LLGL2: variants seen among roughly 807,000 people sequenced by gnomAD.
The protein encoded by LLGL2 is LLGL scribble cell polarity complex component 2, also known as LLGL2, scribble cell polarity complex component.
LLGL2 carries 81 observed loss-of-function variants against 123.2 expected under a neutral mutation model. The ratio of observed to expected loss-of-function variants is 0.66; its 90% CI spans 0.55 to 0.79. The LOEUF (loss-of-function observed/expected upper bound fraction) is 0.79, where lower values mean the gene tolerates loss of function less well. Among genes scored for constraint, LLGL2 ranks in the 30% least tolerant of loss-of-function variants. The probability of loss-of-function intolerance (pLI) is 0.00; values close to 1 mark genes in which losing one functional copy is unlikely to be tolerated. For missense variants in LLGL2, 1,273 were observed against 1,414.6 expected, an observed-to-expected ratio of 0.90 and a Z score of 1.61; for synonymous variants, 577 against 594.1, an observed-to-expected ratio of 0.97 and a Z score of 0.42.
Position 75,563,025 on chromosome 17 carries a change from G to A in LLGL2, c.540G>A (p.Glu180=). 6.8e-6 allele frequency: 11 copies of A among 1,612,192 alleles called. No homozygotes were observed. The highest frequency in any genetic ancestry group is 9.3e-6 in the Non-Finnish European group (11 of 1,180,000). ...CACTCCCCTCGCCCAGGTTGCCAGAGGAGGCCCGCCACCGGCGTGTGTTCG... is the reference window on the plus strand; with the variant it reads ...CACTCCCCTCGCCCAGGTTGCCAGAAGAGGCCCGCCACCGGCGTGTGTTCG... ...SSDAVLQRLP[E]EARHRRVFEM... The change falls in exon 7 of 26, where the codon GAG becomes GAA. Residue 180 remains glutamate, a synonymous_variant. Transcript: ENST00000392550.
At chr17:75,537,399 T>C (rs549634893) in intron 1 of LLGL2, among the ~76,000 whole-genome samples, 1 of 152,208 alleles carries the variant, frequency 6.6e-6, no homozygotes, top group African/African-American at 2.4e-5. Context: ...CCCCTTAGGA[T>C]AAAATGATCC....
chr17:75,555,611 T>G (rs1192598147), intron 2 of LLGL2, among the ~76,000 whole-genome samples: 1 of 152,068 alleles, frequency 6.6e-6, no homozygotes, highest in East Asian at 1.9e-4. Flanking sequence ...TCTAGGCCCC[T>G]GGGTGAGCCC....
At chr17:75,565,410 C>T (rs2055402503) in intron 10 of LLGL2, among the ~76,000 whole-genome samples, 1 of 152,246 alleles carries the variant, frequency 6.6e-6, no homozygotes, top group Non-Finnish European at 1.5e-5. Flanking sequence ...TGTGTACTCA[C>T]GGCCTCTATC....
chr17:75,542,046 G>A (rs1263623679), intron 1 of LLGL2, among the ~76,000 whole-genome samples: 1 of 151,736 alleles, frequency 6.6e-6, no homozygotes, highest in African/African-American at 2.4e-5. Flanking sequence ...GTAAAATCGG[G>A]TCACCCTCCC....
chr17:75,560,386 C>T (rs2055146169), intron 6 of LLGL2, among the ~76,000 whole-genome samples: 1 of 152,234 alleles, frequency 6.6e-6, no homozygotes, highest in East Asian at 1.9e-4. Context: ...ACACCAGTGC[C>T]CAGCCTCACC....
chr17:75,543,545 C>G (rs752925091), intron 2 of LLGL2, 44 bp downstream of exon 2: 2 of 1,554,216 alleles, frequency 1.3e-6, no homozygotes, highest in South Asian at 2.3e-5. Context: ...GGTTTTCGGC[C>G]AAGCAGCTCA....
intron 2 of LLGL2, among the ~76,000 whole-genome samples, chr17:75,552,912 C>A: frequency 6.6e-6 from 1 of 152,190 alleles, no homozygotes; most frequent in Admixed American, 6.5e-5. Context: ...CCATTGGGCT[C>A]CTGTAGGGCA....
intron 6 of LLGL2, among the ~76,000 whole-genome samples, chr17:75,560,802 TA>T (rs372940306): frequency 2.6e-3 from 248 of 96,060 alleles, no homozygotes; most frequent in East Asian, 0.012. Context: ...GTTTATTTAT[TA>T]AAAAAAAAAA....
At chr17:75,571,197 TA>T in intron 17 of LLGL2, 97 bp downstream of exon 17, 1 of 1,215,880 alleles carries the variant, frequency 8.2e-7, no homozygotes, top group Non-Finnish European at 1.2e-6. Context: ...GCCTGGCTGG[TA>T]GGAGCTAAGA....
intron 2 of LLGL2, among the ~76,000 whole-genome samples, chr17:75,545,388 C>T (rs1282148042): frequency 6.6e-6 from 1 of 152,190 alleles, no homozygotes; most frequent in African/African-American, 2.4e-5. Context: ...TAGGCCTCTG[C>T]CCTCCACTTT....
chr17:75,525,679 C>T (rs1200627622), upstream of LLGL2: 1 of 150,438 alleles, frequency 6.6e-6, no homozygotes, highest in Non-Finnish European at 1.5e-5. The surrounding 1 kb of genome is among the most constrained non-coding windows in gnomAD (Gnocchi z 4.8). Context: ...AATAGCGCGG[C>T]TCCGCCCCAG....
chr17:75,540,701 A>G (rs891085392), intron 1 of LLGL2, among the ~76,000 whole-genome samples: 1 of 152,204 alleles, frequency 6.6e-6, no homozygotes, highest in Non-Finnish European at 1.5e-5. Flanking sequence ...CTTGGGGTCC[A>G]GTCCGAGTTC....
chr17:75,542,815 T>C, intron 1 of LLGL2: 1 of 152,376 alleles, frequency 6.6e-6, no homozygotes. Context: ...CGTGCCCACT[T>C]GAGTTTCTCA....
At chr17:75,562,862 G>A (rs2055280996) in intron 6 of LLGL2, 154 bp from the exon 7 acceptor site, 8 of 931,178 alleles carry the variant, frequency 8.6e-6, no homozygotes, top group South Asian at 4.9e-5. Flanking sequence ...GAGCCACCAC[G>A]CTCGGCCATC....
chr17:75,574,352 G>A (rs1210569123), intron 23 of LLGL2, 92 bp downstream of exon 23: 12 of 1,530,306 alleles, frequency 7.8e-6, no homozygotes, highest in Middle Eastern at 2.3e-4. Flanking sequence ...GCCCTGAGGC[G>A]GGGTACAGAT....
Position 75,559,508 on chromosome 17 carries a change from T to C in LLGL2, c.530+98T>C. 1 of 1,435,464 alleles carries C rather than the reference T, an allele frequency of 7.0e-7. No individual in the cohort carries two copies. Among genetic ancestry groups the C allele is most frequent in the African/African-American group, 1.4e-5 (1 of 70,310 alleles). 88.9% of individuals were successfully genotyped at this position (1,435,464 alleles called of 1,614,324 possible). A position where few individuals can be genotyped will look rare whatever the true frequency, so the allele number is the denominator to read the frequency against. On this transcript the variant is annotated intron_variant, in intron 6 of 25. Coordinates refer to ENST00000392550, the MANE Select transcript of LLGL2 (RefSeq NM_001031803.2). This position sits in a 1 kb window ranked among gnomAD's most constrained non-coding sequence, Gnocchi z 4.6. ...ACTCTGTCAGGAGCTGTCATTTCTC[T>C]GCTGGGAATTCCATGGGGCTATAGC...
chr17:75,570,116 C>T lies in LLGL2; in HGVS notation c.1735C>T (p.Pro579Ser). 1 of 1,603,264 alleles carries T rather than the reference C, an allele frequency of 6.2e-7. No individual in the cohort carries two copies. The highest frequency in any genetic ancestry group is 2.3e-5 in the East Asian group (1 of 44,416). ...CGTGCGCTTTGAGCCTGGCTTTCAGCCCTTCGTGTTGGTGCAGTGTCAGCC... is the reference window on the plus strand; with the variant it reads ...CGTGCGCTTTGAGCCTGGCTTTCAGTCCTTCGTGTTGGTGCAGTGTCAGCC... ...GPVRFEPGFQ[P>S]FVLVQCQPPA... Residue 579 changes from proline to serine, a missense_variant, in exon 15 of 26, where the codon CCC becomes TCC. Pro to Ser is a moderately conservative substitution (Grantham distance 74). Transcript: ENST00000392550.
At chr17:75,525,664 A>C (rs2053532107), upstream of LLGL2, 1 of 149,440 alleles carries the variant, frequency 6.7e-6, no homozygotes, top group Admixed American at 6.6e-5. This position sits in a 1 kb window ranked among gnomAD's most constrained non-coding sequence, Gnocchi z 4.8. Context: ...CTCGCCCTTT[A>C]TGTAAATAGC....
In LLGL2 at chr17:75,568,570, C is replaced by T. The variant is rs754864450; in HGVS notation, c.1131C>T (p.Pro377=). 5.6e-6 allele frequency: 9 copies of T among 1,613,946 alleles called. No homozygotes were observed. The highest frequency in any genetic ancestry group is 6.8e-6 in the Non-Finnish European group (8 of 1,180,038). Residue 377 remains proline (P), a synonymous_variant, in exon 11 of 26, where the codon CCC becomes CCT. Transcript: ENST00000392550. ...QTAGWPPVQL[P]YLASLHCSAI... The stretch of plus-strand genomic sequence containing the variant: ...CAGGCTGGCCACCGGTCCAGCTGCC[C>T]TACCTGGCTTCTCTGCACTGTTCCG...
Sources: gnomAD v4.1 joint callset for allele counts (sites outside exome capture counted in the v4.1 genomes callset) on GRCh38, gnomAD v4.1.1 for gene constraint, Gnocchi (gnomAD v3.1) non-coding constraint, MANE v1.5 for transcripts, NCBI Gene and HGNC (gene_info 2026-07-23, HGNC 2026-07-21) for gene names.